Variants in EYS observed in about 807,000 individuals in gnomAD.
EYS encodes the protein protein eyes shut homolog.
Under a neutral mutation model 282.1 loss-of-function variants are expected in EYS, and 250 were observed. That is an observed-to-expected ratio of 0.89 (90% CI 0.80 to 0.98). The LOEUF (loss-of-function observed/expected upper bound fraction) is 0.98. Among genes scored for constraint, EYS ranks in the 50% least tolerant of loss-of-function variants. The probability of loss-of-function intolerance (pLI) is 0.00; values close to 1 mark genes in which losing one functional copy is unlikely to be tolerated. For synonymous variants in EYS, 1,355 were observed against 1,282.9 expected (o/e 1.06, Z -1.20); for missense variants, 4,016 against 3,709.0 (o/e 1.08, Z -2.15).
At chr6:63,898,269 A>T (rs1458208083) in intron 35 of EYS, among the ~76,000 whole-genome samples, 2 of 152,064 alleles carry the variant, frequency 1.3e-5, no homozygotes, top group Non-Finnish European at 1.5e-5. Flanking sequence ...CGGGTGGGTC[A>T]CGAGGTCAGG....
intron 32 of EYS, among the ~76,000 whole-genome samples, chr6:64,070,460 A>G (rs1403602128): frequency 2.0e-5 from 3 of 152,046 alleles, no homozygotes; most frequent in Non-Finnish European, 4.4e-5. Context: ...TTTTTCTTAG[A>G]CAGCTTGAGT....
At chr6:65,376,182 C>T (rs1408782880) in intron 8 of EYS, among the ~76,000 whole-genome samples, 1 of 152,146 alleles carries the variant, frequency 6.6e-6, no homozygotes. Context: ...GGTCTCTCTG[C>T]ACAAACCCTA....
At chr6:64,074,580 A>G (rs1191324886) in intron 32 of EYS, among the ~76,000 whole-genome samples, 1 of 151,682 alleles carries the variant, frequency 6.6e-6, no homozygotes, top group Non-Finnish European at 1.5e-5. Context: ...CCCAATATCA[A>G]CAATTTGAAT....
At chr6:63,857,160 C>T (rs927817146) in intron 36 of EYS, among the ~76,000 whole-genome samples, 1 of 152,112 alleles carries the variant, frequency 6.6e-6, no homozygotes, top group Non-Finnish European at 1.5e-5. Flanking sequence ...ATCTTTAATT[C>T]TCAAGGTGAC....
At chr6:64,234,981 G>C (rs900886427) in intron 30 of EYS, among the ~76,000 whole-genome samples, 1 of 151,756 alleles carries the variant, frequency 6.6e-6, no homozygotes, top group Non-Finnish European at 1.5e-5. Flanking sequence ...GGGTTCAAGC[G>C]ATTCTCCTGC....
chr6:64,358,703 G>C (rs912587973), intron 29 of EYS, among the ~76,000 whole-genome samples: 2 of 151,578 alleles, frequency 1.3e-5, no homozygotes, highest in Admixed American at 1.3e-4. Context: ...GGAATAATCT[G>C]GGGTCATGTT....
intron 26 of EYS, among the ~76,000 whole-genome samples, chr6:64,559,606 C>T (rs913914536): frequency 2.6e-5 from 4 of 151,880 alleles, no homozygotes; most frequent in Non-Finnish European, 4.4e-5. Flanking sequence ...TATGTTTGAA[C>T]AGGATTTTGC....
chr6:64,864,994 T>C (rs558704364), intron 19 of EYS, among the ~76,000 whole-genome samples: 3 of 152,120 alleles, frequency 2.0e-5, no homozygotes, highest in African/African-American at 7.2e-5. Context: ...ATAGCGCCAT[T>C]GCACTCCAGC....
chr6:65,687,244 A>T (rs1200912440), intron 1 of EYS, among the ~76,000 whole-genome samples: 1 of 152,094 alleles, frequency 6.6e-6, no homozygotes, highest in African/African-American at 2.4e-5. Context: ...TATTTGAAAA[A>T]TTACATACTA....
chr6:64,166,132 C>T (rs1198592295), intron 31 of EYS, among the ~76,000 whole-genome samples: 4 of 152,166 alleles, frequency 2.6e-5, no homozygotes, highest in Admixed American at 1.3e-4. Context: ...ATCAGAAAAA[C>T]TTTGCCCTTT....
chr6:65,278,314 C>CTATA (rs1582093598), intron 12 of EYS, among the ~76,000 whole-genome samples: 1 of 38,878 alleles, frequency 2.6e-5, no homozygotes, highest in African/African-American at 5.0e-5. Context: ...TATATATATT[C>CTATA]TATAGAAATC....
At chr6:64,930,168 G>A (rs181259220) in intron 15 of EYS, among the ~76,000 whole-genome samples, 3 of 152,016 alleles carry the variant, frequency 2.0e-5, no homozygotes, top group Non-Finnish European at 4.4e-5. Flanking sequence ...AAATAAACAT[G>A]CACACATATA....
intron 11 of EYS, among the ~76,000 whole-genome samples, chr6:65,306,300 C>T (rs1769002513): frequency 6.6e-6 from 1 of 152,136 alleles, no homozygotes; most frequent in African/African-American, 2.4e-5. Flanking sequence ...AGGAAGAAAG[C>T]CACAGGACTG....
chr6:64,089,693 G>A (rs902662792), intron 31 of EYS, among the ~76,000 whole-genome samples: 3 of 151,888 alleles, frequency 2.0e-5, no homozygotes, highest in Non-Finnish European at 2.9e-5. Flanking sequence ...CATAAACACT[G>A]ATAAATTTGT....
chr6:64,587,984 A>C (rs187730967), intron 26 of EYS, among the ~76,000 whole-genome samples: 1 of 151,734 alleles, frequency 6.6e-6, no homozygotes, highest in Admixed American at 6.6e-5. Context: ...AAGTTTTTCT[A>C]TTTTCCTTTC....
At chr6:64,548,073 C>G (rs1183376588) in intron 26 of EYS, among the ~76,000 whole-genome samples, 1 of 152,188 alleles carries the variant, frequency 6.6e-6, no homozygotes. Flanking sequence ...GCTGATAGAG[C>G]CGGCTCCAGC....
At chr6:64,101,808 C>G (rs1238984737) in intron 31 of EYS, among the ~76,000 whole-genome samples, 1 of 151,862 alleles carries the variant, frequency 6.6e-6, no homozygotes, top group Non-Finnish European at 1.5e-5. Flanking sequence ...AATTATACAA[C>G]TCACCATAAC....
At chr6:65,569,262 C>A (rs1281038805) in intron 2 of EYS, among the ~76,000 whole-genome samples, 1 of 151,956 alleles carries the variant, frequency 6.6e-6, no homozygotes, top group East Asian at 1.9e-4. Context: ...TGTAATTTTC[C>A]TTTACCTACC....
At chr6:64,795,766 G>T (rs1383556975) in intron 22 of EYS, among the ~76,000 whole-genome samples, 2 of 152,134 alleles carry the variant, frequency 1.3e-5, no homozygotes, top group Non-Finnish European at 2.9e-5. Context: ...CCCCTAATGA[G>T]CTGTGACAGA....
Sources: allele counts gnomAD v4.1 joint callset (sites outside exome capture counted in the v4.1 genomes callset), GRCh38; gene constraint gnomAD v4.1.1; transcripts MANE v1.5; gene names NCBI Gene and HGNC (gene_info 2026-07-23, HGNC 2026-07-21).